Variants in PRDM9 observed in about 807,000 individuals in gnomAD.
PRDM9 encodes the protein histone-lysine N-methyltransferase PRDM9.
A neutral mutation model predicts 55.6 loss-of-function variants in PRDM9; 47 were observed. That is an observed-to-expected ratio of 0.85 (90% CI 0.67 to 1.08). PRDM9 has a LOEUF of 1.08. Among genes scored for constraint, PRDM9 ranks in the 50% least tolerant of loss-of-function variants. PRDM9 has a pLI of 0.00. For missense variants in PRDM9, 867 were observed against 1,040.3 expected (o/e 0.83, Z 2.29); for synonymous variants, 312 against 375.7 (o/e 0.83, Z 1.96).
chr5:23,512,779 A>G (rs1437951320), intron 4 of PRDM9, among the ~76,000 whole-genome samples: 5 of 151,976 alleles, frequency 3.3e-5, no homozygotes, highest in Admixed American at 6.6e-5. Context: ...ATAACACCCC[A>G]TTTCCTCCTC....
At chr5:23,523,176 C>T (rs1739368187) in intron 8 of PRDM9, 115 bp from the exon 9 acceptor site, 5 of 1,280,750 alleles carry the variant, frequency 3.9e-6, no homozygotes, top group Non-Finnish European at 4.5e-6. Context: ...ACCATGTGGT[C>T]TCAATTGGCA....
chr5:23,516,773 G>A (rs1355220491), intron 4 of PRDM9, among the ~76,000 whole-genome samples: 2 of 146,704 alleles, frequency 1.4e-5, no homozygotes, highest in Non-Finnish European at 3.0e-5. Context: ...AGGCTGGAGT[G>A]CAGTGGCACG....
intron 4 of PRDM9, among the ~76,000 whole-genome samples, chr5:23,512,266 A>G (rs1429998441): frequency 6.6e-6 from 1 of 152,134 alleles, no homozygotes; most frequent in Non-Finnish European, 1.5e-5. Flanking sequence ...TATGTCACTG[A>G]CCAGAGACAG....
chr5:23,513,866 G>A (rs868864835), intron 4 of PRDM9, among the ~76,000 whole-genome samples: 30 of 152,086 alleles, frequency 2.0e-4, no homozygotes, highest in Middle Eastern at 6.8e-3. Flanking sequence ...GCAACAGAAC[G>A]AGACGCCGTG....
At chr5:23,509,757 G>A (rs1739053542) in intron 3 of PRDM9, among the ~76,000 whole-genome samples, 163 bp from the exon 4 acceptor site, 1 of 152,174 alleles carries the variant, frequency 6.6e-6, no homozygotes, top group Non-Finnish European at 1.5e-5. Context: ...GCAGGGCTGA[G>A]TGTGGATATT....
At position 23,522,819 on chromosome 5, in the gene PRDM9, C is replaced by G. The variant is rs1739359104; in HGVS notation, c.816C>G (p.His272Gln). Residue 272 changes from histidine to glutamine, a missense_variant, in exon 8 of 11, where the codon CAC (histidine) becomes CAG (glutamine). Transcript: ENST00000296682. ...CATCTGATCTGCCGCTGGGTCTGCA[C>G]TTTGGCCCTTATGAGGGCCGAATTA... ...NEASDLPLGL[H>Q]FGPYEGRITE... The G allele has an allele frequency of 6.2e-7, 1 of 1,614,142 alleles. No individual in the cohort carries two copies. The highest frequency in any genetic ancestry group is 8.5e-7 in the Non-Finnish European group (1 of 1,180,056).
At position 23,522,290 on chromosome 5, in the gene PRDM9, C is replaced by G. The variant is rs771793196; in HGVS notation, c.509-14C>G. The G allele has an allele frequency of 3.8e-6, 6 of 1,599,572 alleles. No homozygotes were observed. In the East Asian group the frequency reaches 1.3e-4, roughly 36 times the overall value. ...AGATTCCCAATTTTACCCGTCTACT[C>G]TTCTCCAACCTAGAACTCAGGAAGA... On this transcript the variant is annotated splice_polypyrimidine_tract_variant and intron_variant, in intron 6 of 10. Transcript: ENST00000296682.
chr5:23,524,801 C>T (rs1206819798), intron 10 of PRDM9, among the ~76,000 whole-genome samples: 2 of 152,164 alleles, frequency 1.3e-5, no homozygotes, highest in Non-Finnish European at 2.9e-5. Context: ...AGACAAAAAT[C>T]AAGTTCTCAA....
In PRDM9 at chr5:23,509,582, T is replaced by C. The variant is rs762092212; in HGVS notation, c.182T>C (p.Leu61Pro). ...AATGTGAAAAGGAACTATAATGCAC[T>C]GATTACTATAGGTAACAGGAAGTGC... ...YRNVKRNYNA[L>P]ITIGLRATRP... is the part of the protein sequence containing the mutation. The change falls in exon 3 of 11, where the codon CTG (leucine) becomes CCG (proline). Residue 61 changes from leucine to proline, a missense_variant. By Grantham distance (98) the Leu-to-Pro change is moderately conservative (BLOSUM62 -3). Coordinates refer to ENST00000296682, the MANE Select transcript of PRDM9 (RefSeq NM_020227.4). 1.9e-6 allele frequency: 3 copies of C among 1,614,210 alleles called. No homozygotes were observed. Among genetic ancestry groups the C allele is most frequent in the East Asian group, 4.5e-5 (2 of 44,874 alleles).
Position 23,522,395 on chromosome 5 carries a change from T to G in PRDM9, c.600T>G (p.Asp200Glu), listed in dbSNP as rs746853919. The change falls in exon 7 of 11, where the codon GAT (aspartate) becomes GAG (glutamate). Residue 200 changes from aspartate (D) to glutamate (E), a missense_variant. Asp to Glu is a conservative substitution (Grantham distance 45, BLOSUM62 2). This residue lies in a region of PRDM9 where 662 missense variants were observed against 711.9 expected (regional missense o/e 0.93). Transcript: ENST00000296682. ...AYKEVSEPQD[D>E]DYLYCEMCQN... is the part of the protein sequence containing the mutation. ...AAGAGGTCAGCGAGCCGCAGGATGATGATTACCTCTGTAAGTGACACTTTT... is the reference window on the plus strand; with the variant it reads ...AAGAGGTCAGCGAGCCGCAGGATGAGGATTACCTCTGTAAGTGACACTTTT... 4 of 1,613,680 alleles carry G rather than the reference T, an allele frequency of 2.5e-6. No homozygotes were observed. The Admixed American group carries it at 6.7e-5, about 27-fold the overall frequency.
chr5:23,520,162 C>T lies in PRDM9; in HGVS notation c.352-861C>T, dbSNP rs139588083. ...GGTGGATCACTTGAGGTGAGGAGTTCGAGACCATCCTGGCCAACCTAGTGA... is the reference window on the plus strand; with the variant it reads ...GGTGGATCACTTGAGGTGAGGAGTTTGAGACCATCCTGGCCAACCTAGTGA... On this transcript the variant is annotated intron_variant, in intron 5 of 10. Coordinates refer to ENST00000296682, the MANE Select transcript of PRDM9 (RefSeq NM_020227.4). Among the ~76,000 whole-genome samples the T allele has an allele frequency of 4.8e-3, 730 of 151,492 alleles. 5 individuals are homozygous for T. The highest frequency in any genetic ancestry group is 6.5e-3 in the Non-Finnish European group (443 of 67,902).
chr5:23,524,144 G>T (rs1158634915), intron 9 of PRDM9, among the ~76,000 whole-genome samples, 190 bp from the exon 10 acceptor site: 1 of 152,162 alleles, frequency 6.6e-6, no homozygotes, highest in African/African-American at 2.4e-5. Flanking sequence ...GAACACTGTA[G>T]TCAGAAGTGC....
intron 4 of PRDM9, among the ~76,000 whole-genome samples, chr5:23,512,916 T>A (rs1370254570): frequency 6.6e-6 from 1 of 152,234 alleles, no homozygotes; most frequent in Non-Finnish European, 1.5e-5. Context: ...CTTAGCATAA[T>A]GTCCCCAAGA....
At chr5:23,520,443 C>G (rs1054284954) in intron 5 of PRDM9, among the ~76,000 whole-genome samples, 1 of 151,232 alleles carries the variant, frequency 6.6e-6, no homozygotes, top group South Asian at 2.1e-4. Flanking sequence ...ACAATACACC[C>G]TTATTCAAGC....
In PRDM9 at chr5:23,509,039, C is replaced by G; in HGVS notation, c.6C>G (p.Ser2Arg). M[S>R]PEKSQEESPE... ...TTCTAGACAGTCCCAGCACCATGAG[C>G]CCTGAAAAGTCCCAAGAGGAGAGCC... Residue 2 changes from serine to arginine, a missense_variant, in exon 2 of 11, where the codon AGC becomes AGG. Around this residue, in one of 5 missense-constraint regions of PRDM9, gnomAD observed 662 missense variants for 711.9 expected, o/e 0.93. Transcript: ENST00000296682. 1.2e-6 allele frequency: 2 copies of G among 1,614,056 alleles called. No individual in the cohort carries two copies. The highest frequency in any genetic ancestry group is 2.2e-5 in the South Asian group (2 of 91,076).
chr5:23,521,297 C>A (rs1304515293), intron 6 of PRDM9, 118 bp downstream of exon 6: 1 of 1,120,214 alleles, frequency 8.9e-7, no homozygotes, highest in Middle Eastern at 2.9e-4. Flanking sequence ...CTGGACTCAA[C>A]TGTGAGACCA....
Position 23,522,359 on chromosome 5 carries a change from T to G in PRDM9, c.564T>G (p.Gly188=). The stretch of plus-strand genomic sequence containing the variant: ...TGTATAGCCTGCGAGAAAGAAAGGG[T>G]CATGCATACAAAGAGGTCAGCGAGC... ...RKMYSLRERK[G]HAYKEVSEPQ... The change falls in exon 7 of 11, where the codon GGT becomes GGG. Residue 188 remains glycine (G), a synonymous_variant. Coordinates refer to ENST00000296682, the MANE Select transcript of PRDM9 (RefSeq NM_020227.4). 1 of 1,613,962 alleles carries G rather than the reference T, an allele frequency of 6.2e-7. No individual in the cohort carries two copies. Among genetic ancestry groups the G allele is most frequent in the African/African-American group, 1.3e-5 (1 of 74,970 alleles).
At chr5:23,512,177 A>T (rs1042402706) in intron 4 of PRDM9, among the ~76,000 whole-genome samples, 8 of 152,212 alleles carry the variant, frequency 5.3e-5, no homozygotes, top group African/African-American at 1.9e-4. Flanking sequence ...TGATCCTCTT[A>T]TACCAAAATG....
chr5:23,522,804 GC>G lies in PRDM9; in HGVS notation c.803del (p.Pro268ArgfsTer27). Reference protein sequence around the residue: ...LGVWNEASDLPLGLHFGPYEG... With the variant: ...LGVWNEASDLXLGLHFGPYEG... ...GAGTATGGAATGAGGCATCTGATCTGCCGCTGGGTCTGCACTTTGGCCCTTA... is the reference window on the plus strand; with the variant it reads ...GAGTATGGAATGAGGCATCTGATCTGCGCTGGGTCTGCACTTTGGCCCTTA... On this transcript the variant is annotated frameshift_variant, in exon 8 of 11. Transcript: ENST00000296682. LOFTEE classifies it high-confidence loss of function. The G allele has an allele frequency of 6.2e-7, 1 of 1,614,204 alleles. No individual in the cohort carries two copies.
Sources: gnomAD v4.1 joint callset for allele counts (sites outside exome capture counted in the v4.1 genomes callset) on GRCh38, gnomAD v4.1.1 for gene constraint, gnomAD v4.1.1 regional missense constraint, MANE v1.5 for transcripts, NCBI Gene and HGNC (gene_info 2026-07-23, HGNC 2026-07-21) for gene names.